The following DMD variants were observed in gnomAD, a reference collection of about 807,000 sequenced individuals.
DMD encodes the protein mutant dystrophin.
A neutral mutation model predicts 330.1 loss-of-function variants in DMD; 63 were observed. The ratio of observed to expected loss-of-function variants is 0.19; its 90% CI spans 0.16 to 0.24. DMD has a LOEUF of 0.24. DMD is among the 10% of genes least tolerant of loss of function. The pLI, the probability that DMD is intolerant of heterozygous loss-of-function variation, is 1.00. For synonymous variants in DMD, 1,223 were observed against 959.8 expected (o/e 1.27, Z -5.07); for missense variants, 3,344 against 2,684.1 (o/e 1.25, Z -5.43).
At chrX:32,253,010 T>C (rs2097282960) in intron 43 of DMD, among the ~76,000 whole-genome samples, 1 of 96,625 alleles carries the variant, frequency 1.0e-5, no homozygotes, top group East Asian at 3.1e-4. Flanking sequence ...AAATGGTTTA[T>C]AAAACTTTCC....
At chrX:31,350,592 C>CGTGT (rs747001189) in intron 60 of DMD, among the ~76,000 whole-genome samples, 11 of 85,328 alleles carry the variant, frequency 1.3e-4, no homozygotes, top group African/African-American at 4.0e-4. Context: ...AAATGTGGTA[C>CGTGT]GTGTGTGTGT....
At chrX:33,249,064 G>A (rs1326267962) in intron 1 of DMD, among the ~76,000 whole-genome samples, 5 of 112,776 alleles carry the variant, frequency 4.4e-5, no homozygotes, top group African/African-American at 1.6e-4. Flanking sequence ...ACAGAAATTT[G>A]TATGTATAGA....
At chrX:31,689,855 A>G (rs2082985213) in intron 52 of DMD, among the ~76,000 whole-genome samples, 2 of 111,984 alleles carry the variant, frequency 1.8e-5, no homozygotes, top group South Asian at 7.5e-4. Context: ...ACCTGACAAA[A>G]ACAAGAAATG....
chrX:32,472,869 TA>T (rs2040811549), intron 21 of DMD, among the ~76,000 whole-genome samples: 1 of 111,309 alleles, frequency 9.0e-6, no homozygotes, highest in African/African-American at 3.3e-5. Context: ...TTATCATTCT[TA>T]ATTCTTATAA....
At chrX:31,748,790 T>A (rs1266101364) in intron 51 of DMD, among the ~76,000 whole-genome samples, 1 of 111,830 alleles carries the variant, frequency 8.9e-6, no homozygotes, top group Non-Finnish European at 1.9e-5. Context: ...TACACCCTTT[T>A]ATAGACAAGG....
chrX:32,481,298 T>A (rs2148552213), intron 21 of DMD, among the ~76,000 whole-genome samples: 1 of 111,729 alleles, frequency 9.0e-6, no homozygotes, highest in East Asian at 2.8e-4. Flanking sequence ...CAACTGTAGT[T>A]TAAGGTTCAA....
At chrX:32,347,993 T>C (rs1466451225) in intron 38 of DMD, among the ~76,000 whole-genome samples, 1 of 112,017 alleles carries the variant, frequency 8.9e-6, no homozygotes, top group East Asian at 2.8e-4. Context: ...ATAATGTTCA[T>C]ATTATGCATT....
intron 9 of DMD, among the ~76,000 whole-genome samples, chrX:32,650,059 G>A (rs1251935066): frequency 9.0e-6 from 1 of 111,213 alleles, no homozygotes; most frequent in Non-Finnish European, 1.9e-5. Flanking sequence ...CTGGAAGCAT[G>A]ATTTGGGCAA....
intron 59 of DMD, among the ~76,000 whole-genome samples, chrX:31,470,075 C>CT (rs1388003063): frequency 5.4e-5 from 6 of 110,224 alleles, no homozygotes; most frequent in East Asian, 2.9e-4. Context: ...TTCCTCTAAC[C>CT]TTTTTTTTAA....
chrX:31,202,871 A>G (rs1244798591), intron 67 of DMD, among the ~76,000 whole-genome samples: 1 of 112,705 alleles, frequency 8.9e-6, no homozygotes, highest in African/African-American at 3.2e-5. Context: ...GAAAGGCCAC[A>G]AAAAATGTTT....
intron 1 of DMD, among the ~76,000 whole-genome samples, chrX:33,098,108 A>G (rs761778292): frequency 2.3e-4 from 26 of 112,129 alleles, no homozygotes; most frequent in Admixed American, 2.2e-3. Context: ...ACCTGTAAAT[A>G]TAATACAGCA....
At chrX:32,950,707 C>A (rs1161550178) in intron 2 of DMD, among the ~76,000 whole-genome samples, 2 of 111,154 alleles carry the variant, frequency 1.8e-5, no homozygotes, top group Non-Finnish European at 3.8e-5. Context: ...TCAGTCATTC[C>A]AGAAAAAATG....
intron 63 of DMD, 87 bp from the exon 64 acceptor site, chrX:31,223,208 C>A (rs758836384): frequency 1.3e-6 from 1 of 786,971 alleles, no homozygotes; most frequent in Non-Finnish European, 2.0e-6. Context: ...TTGCCAATAA[C>A]TACAACCACC....
chrX:31,799,344 A>G (rs778211467), intron 50 of DMD, among the ~76,000 whole-genome samples: 2 of 111,706 alleles, frequency 1.8e-5, no homozygotes, highest in East Asian at 5.6e-4. Flanking sequence ...GAAACTTACA[A>G]TCATGGCAGA....
chrX:32,832,932 T>C (rs1019649311), intron 4 of DMD, among the ~76,000 whole-genome samples: 1 of 111,375 alleles, frequency 9.0e-6, no homozygotes, highest in African/African-American at 3.2e-5. Context: ...GATTCAGATA[T>C]AGAAATTTAC....
intron 2 of DMD, among the ~76,000 whole-genome samples, chrX:32,869,864 G>A (rs1243475040): frequency 9.3e-6 from 1 of 107,851 alleles, no homozygotes; most frequent in Non-Finnish European, 1.9e-5. Flanking sequence ...GGCAAAAACT[G>A]GCTGTAGGTT....
At chrX:32,853,598 A>G (rs6628743) in intron 2 of DMD, among the ~76,000 whole-genome samples, 23,312 of 109,546 alleles carry the variant, frequency 0.21, 2,286 homozygotes, top group East Asian at 0.37. Flanking sequence ...ACAAAATTTA[A>G]AAAGCAAGAA....
chrX:32,457,470 C>T (rs1569563376), intron 25 of DMD, among the ~76,000 whole-genome samples: 1 of 110,465 alleles, frequency 9.1e-6, no homozygotes. Flanking sequence ...AATGATGTAG[C>T]GTGGAGAAGA....
At chrX:32,582,535 T>C (rs1166208088) in intron 13 of DMD, among the ~76,000 whole-genome samples, 3 of 112,000 alleles carry the variant, frequency 2.7e-5, no homozygotes, top group African/African-American at 9.7e-5. Flanking sequence ...AATAAAAATG[T>C]TGATTCTGTA....
Sources: gnomAD v4.1 joint callset for allele counts (sites outside exome capture counted in the v4.1 genomes callset) on GRCh38, gnomAD v4.1.1 for gene constraint, MANE v1.5 for transcripts, NCBI Gene and HGNC (gene_info 2026-07-23, HGNC 2026-07-21) for gene names.